The following CCDC91 variants were observed in gnomAD, a reference collection of about 807,000 sequenced individuals.
The protein encoded by CCDC91 is coiled-coil domain containing 91.
CCDC91 carries 48 observed loss-of-function variants against 63.2 expected under a neutral mutation model. That is an observed-to-expected ratio of 0.76 (90% CI 0.60 to 0.97). CCDC91 has a LOEUF of 0.97. Ranked by LOEUF, CCDC91 falls within the 50% of genes least tolerant of loss-of-function variation. The pLI is 0.00. For missense variants in CCDC91, 500 were observed against 494.6 expected, an observed-to-expected ratio of 1.01 and a Z score of -0.10; for synonymous variants, 167 against 165.8, an observed-to-expected ratio of 1.01 and a Z score of -0.06.
At chr12:28,240,496 T>C (rs1945259367) in intron 1 of CCDC91, among the ~76,000 whole-genome samples, 1 of 152,208 alleles carries the variant, frequency 6.6e-6, no homozygotes, top group Admixed American at 6.5e-5. Context: ...ACTAATGTGT[T>C]ATGAAGCTAA....
At chr12:28,194,014 C>T (rs1941512913) in intron 1 of CCDC91, among the ~76,000 whole-genome samples, 1 of 152,170 alleles carries the variant, frequency 6.6e-6, no homozygotes, top group Non-Finnish European at 1.5e-5. Flanking sequence ...ATTTTCTTAA[C>T]AGTATCTTTC....
intron 3 of CCDC91, among the ~76,000 whole-genome samples, chr12:28,299,420 G>C (rs1937788278): frequency 6.6e-6 from 1 of 151,508 alleles, no homozygotes; most frequent in South Asian, 2.1e-4. Flanking sequence ...ACTTGGGTTA[G>C]TTCTTACCCC....
intron 7 of CCDC91, among the ~76,000 whole-genome samples, chr12:28,366,193 GA>G (rs1025817384): frequency 2.0e-5 from 3 of 151,964 alleles, no homozygotes; most frequent in African/African-American, 7.3e-5. Flanking sequence ...TATAGTCCCT[GA>G]AATAAGTCCC....
At chr12:28,452,683 T>G in intron 11 of CCDC91, 29 bp downstream of exon 11, 1 of 1,274,536 alleles carries the variant, frequency 7.8e-7, no homozygotes, top group South Asian at 1.6e-5. Context: ...TAGTAAATAT[T>G]TACTTTTTTC....
At chr12:28,542,843 A>G (rs1387177992) in intron 12 of CCDC91, among the ~76,000 whole-genome samples, 3 of 152,052 alleles carry the variant, frequency 2.0e-5, no homozygotes, top group Admixed American at 2.0e-4. Context: ...CATTTTGTGG[A>G]ACACGTTGTA....
chr12:28,192,002 G>A (rs963461074), intron 1 of CCDC91, among the ~76,000 whole-genome samples: 3 of 152,140 alleles, frequency 2.0e-5, no homozygotes, highest in Non-Finnish European at 4.4e-5. Context: ...AAAACAAAGT[G>A]ATGAAAGTTA....
intron 8 of CCDC91, among the ~76,000 whole-genome samples, chr12:28,441,606 T>C (rs200995226): frequency 9.1e-5 from 1 of 11,002 alleles, no homozygotes. Context: ...TATGTATACA[T>C]ATATATATAT....
At chr12:28,204,450 T>G (rs1417795504) in intron 1 of CCDC91, among the ~76,000 whole-genome samples, 1 of 152,184 alleles carries the variant, frequency 6.6e-6, no homozygotes, top group East Asian at 1.9e-4. Flanking sequence ...TGGCATTTTT[T>G]GGGGAAGTAA....
At chr12:28,277,637 G>C (rs1948332406) in intron 3 of CCDC91, among the ~76,000 whole-genome samples, 1 of 151,982 alleles carries the variant, frequency 6.6e-6, no homozygotes, top group African/African-American at 2.4e-5. Context: ...TACTCAACCT[G>C]TAGTCAATTT....
chr12:28,531,529 A>G (rs1259239750), intron 12 of CCDC91, among the ~76,000 whole-genome samples: 1 of 152,148 alleles, frequency 6.6e-6, no homozygotes, highest in Non-Finnish European at 1.5e-5. Context: ...ATTAATAGAT[A>G]ATGTAAAATT....
intron 8 of CCDC91, among the ~76,000 whole-genome samples, chr12:28,407,416 T>G (rs189053567): frequency 2.6e-5 from 4 of 152,338 alleles, no homozygotes; most frequent in Admixed American, 2.6e-4. Context: ...TGATACTGCT[T>G]TATTTAGCAT....
At chr12:28,434,907 A>G (rs1948825108) in intron 8 of CCDC91, among the ~76,000 whole-genome samples, 1 of 151,328 alleles carries the variant, frequency 6.6e-6, no homozygotes, top group Non-Finnish European at 1.5e-5. Context: ...CAGTTAAAAA[A>G]CTTGTAGACA....
Position 28,325,201 on chromosome 12 carries a change from G to T in CCDC91, c.576+17452G>T, listed in dbSNP as rs573691434. Among the ~76,000 whole-genome samples the T allele has an allele frequency of 1.4e-4, 21 of 152,024 alleles. No homozygotes were observed. The East Asian group carries it at 3.5e-3, about 25-fold the overall frequency. On this transcript the variant is annotated intron_variant, in intron 6 of 12. Coordinates refer to ENST00000536442, the MANE Select transcript of CCDC91 (RefSeq NM_018318.5). Reference sequence around the variant, plus strand: ...TAATTGAATGTATACAAATAGAAAAGAAAAACAATGGCAATGTTTGGTTAT... The same window carrying T: ...TAATTGAATGTATACAAATAGAAAATAAAAACAATGGCAATGTTTGGTTAT...
chr12:28,228,685 C>G (rs1003558138), intron 1 of CCDC91, among the ~76,000 whole-genome samples: 2 of 152,088 alleles, frequency 1.3e-5, no homozygotes, highest in African/African-American at 4.8e-5. Flanking sequence ...GAGTTAGTCT[C>G]TGCATTCAGC....
intron 8 of CCDC91, among the ~76,000 whole-genome samples, chr12:28,423,476 G>A (rs1397223072): frequency 6.6e-6 from 1 of 152,078 alleles, no homozygotes; most frequent in Non-Finnish European, 1.5e-5. Context: ...TGGAGGATAG[G>A]ACTATGGTAG....
intron 1 of CCDC91, among the ~76,000 whole-genome samples, chr12:28,220,938 C>T (rs1026152289): frequency 2.6e-5 from 4 of 151,944 alleles, no homozygotes; most frequent in African/African-American, 9.7e-5. Context: ...TGTTCTTTCT[C>T]GCTATTCTTT....
intron 8 of CCDC91, among the ~76,000 whole-genome samples, chr12:28,420,642 T>G (rs562563188): frequency 3.3e-5 from 5 of 152,256 alleles, no homozygotes; most frequent in African/African-American, 1.2e-4. Context: ...GTCTCACCAC[T>G]TAAGCGTTGT....
At chr12:28,190,935 G>A (rs905436397) in intron 1 of CCDC91, among the ~76,000 whole-genome samples, 7 of 152,224 alleles carry the variant, frequency 4.6e-5, no homozygotes, top group Admixed American at 1.3e-4. Flanking sequence ...CTACGCCCAC[G>A]AACACGTGAT....
intron 3 of CCDC91, among the ~76,000 whole-genome samples, chr12:28,277,957 A>G (rs374152908): frequency 8.6e-5 from 13 of 151,860 alleles, no homozygotes; most frequent in East Asian, 5.8e-4. Flanking sequence ...ATTACTTTGT[A>G]CCTCCCGGCA....
Sources: allele counts gnomAD v4.1 joint callset (sites outside exome capture counted in the v4.1 genomes callset), GRCh38; gene constraint gnomAD v4.1.1; transcripts MANE v1.5; gene names NCBI Gene and HGNC (gene_info 2026-07-23, HGNC 2026-07-21).